Variants in HRH2 observed in about 807,000 individuals in gnomAD.
HRH2 encodes histamine H2 receptor.
A neutral mutation model predicts 20.1 loss-of-function variants in HRH2; 4 were observed. The observed-to-expected ratio is 0.20, with a 90% CI of 0.10 to 0.45. The LOEUF (loss-of-function observed/expected upper bound fraction) is 0.45, where lower values mean the gene tolerates loss of function less well. HRH2 is among the 20% of genes least tolerant of loss of function. The pLI is 0.99. For missense variants in HRH2, 250 were observed against 461.6 expected, an observed-to-expected ratio of 0.54 and a Z score of 4.20; for synonymous variants, 197 against 200.7, an observed-to-expected ratio of 0.98 and a Z score of 0.16.
chr5:175,678,398 C>T, intron 1 of HRH2, among the ~76,000 whole-genome samples: 1 of 152,208 alleles, frequency 6.6e-6, no homozygotes, highest in East Asian at 1.9e-4. Context: ...ATTTCACAGC[C>T]GTCTAGTGAA....
Position 175,685,476 on chromosome 5 carries a change from C to T in HRH2, c.1076+1167C>T. 4 of 1,551,210 alleles carry T rather than the reference C, an allele frequency of 2.6e-6. No individual in the cohort carries two copies. In the East Asian group the frequency reaches 7.3e-5, roughly 28 times the overall value. On this transcript the variant is annotated intron_variant, in intron 2 of 2. Coordinates refer to ENST00000636584, the MANE Select transcript of HRH2 (RefSeq NM_001367711.1). ...CCATTCATTCATTCATTTGTTCATTCATTCATTTGCAAACATTCATCCAAT... is the reference window on the plus strand; with the variant it reads ...CCATTCATTCATTCATTTGTTCATTTATTCATTTGCAAACATTCATCCAAT...
intron 2 of HRH2, among the ~76,000 whole-genome samples, chr5:175,691,555 T>G (rs1490023673): frequency 6.6e-6 from 1 of 152,084 alleles, no homozygotes; most frequent in African/African-American, 2.4e-5. Context: ...CACCATGACT[T>G]TGGGGCCACT....
intron 2 of HRH2, among the ~76,000 whole-genome samples, chr5:175,702,724 T>C (rs1436871353): frequency 6.9e-6 from 1 of 145,612 alleles, no homozygotes; most frequent in Non-Finnish European, 1.5e-5. Context: ...GCTAATTTTT[T>C]CTTTTTTTTT....
Position 175,686,893 on chromosome 5 carries a change from G to A in HRH2, c.1076+2584G>A, listed in dbSNP as rs1023769602. On this transcript the variant is annotated intron_variant, in intron 2 of 2. Coordinates refer to ENST00000636584, the MANE Select transcript of HRH2 (RefSeq NM_001367711.1). This position sits in a 1 kb window ranked among gnomAD's most constrained non-coding sequence, Gnocchi z 4.7. ...AACAACAGAAATAGCAGCGCCTGCC[G>A]CAGACTGTCCTCCAGGCTCCCGGCA... Among the ~76,000 whole-genome samples the A allele has an allele frequency of 1.3e-5, 2 of 152,208 alleles. No homozygotes were observed. Among genetic ancestry groups the A allele is most frequent in the Non-Finnish European group, 2.9e-5 (2 of 68,040 alleles).
intron 1 of HRH2, among the ~76,000 whole-genome samples, chr5:175,670,913 C>T (rs1226335883): frequency 6.6e-6 from 1 of 152,258 alleles, no homozygotes; most frequent in Non-Finnish European, 1.5e-5. Context: ...CATCTGAATG[C>T]AGTAGTGGGC....
intron 1 of HRH2, among the ~76,000 whole-genome samples, chr5:175,680,930 T>C (rs944475386): frequency 3.3e-5 from 5 of 151,150 alleles, no homozygotes; most frequent in African/African-American, 1.2e-4. Flanking sequence ...TGAAAAGGAC[T>C]GAGGAAGGGA....
At chr5:175,707,710 G>T (rs899927137) in intron 2 of HRH2, 69 bp from the exon 3 acceptor site, 2 of 147,988 alleles carry the variant, frequency 1.4e-5, no homozygotes, top group Non-Finnish European at 2.9e-5. Flanking sequence ...AAATTGAGAG[G>T]CTAAACCTGG....
In HRH2 at chr5:175,663,948, C is replaced by T. The variant is rs56706157; in HGVS notation, c.-526+5793C>T. On this transcript the variant is annotated intron_variant, in intron 1 of 2. Transcript: ENST00000636584. ...ACTGGCTGATTGCAAAGGGCCTTTC[C>T]AGCTCTGCCCCTATCTGATGCCGTG... is the stretch of plus-strand genomic sequence containing the variant. Among the ~76,000 whole-genome samples the T allele has an allele frequency of 0.013, 2,044 of 152,334 alleles. 152 individuals are homozygous for T. The East Asian group carries it at 0.21, about 16-fold the overall frequency.
chr5:175,678,004 G>A (rs987131800), intron 1 of HRH2, among the ~76,000 whole-genome samples: 43 of 152,318 alleles, frequency 2.8e-4, no homozygotes, highest in Non-Finnish European at 5.6e-4. Flanking sequence ...TGTTCACCCA[G>A]TTACCTTGTT....
chr5:175,674,485 T>A (rs1755689613), intron 1 of HRH2, among the ~76,000 whole-genome samples: 1 of 151,812 alleles, frequency 6.6e-6, no homozygotes, highest in African/African-American at 2.4e-5. Context: ...ACACTCATCA[T>A]CATAAAGTGT....
At chr5:175,669,994 G>A (rs1247959827) in intron 1 of HRH2, among the ~76,000 whole-genome samples, 1 of 152,202 alleles carries the variant, frequency 6.6e-6, no homozygotes, top group African/African-American at 2.4e-5. Flanking sequence ...TAACCCAGGA[G>A]CAGCCCCCTC....
At chr5:175,673,063 G>T (rs1755614557) in intron 1 of HRH2, among the ~76,000 whole-genome samples, 1 of 152,152 alleles carries the variant, frequency 6.6e-6, no homozygotes, top group African/African-American at 2.4e-5. Context: ...CTGAGCCAGT[G>T]GTAAGAGCGT....
intron 2 of HRH2, among the ~76,000 whole-genome samples, chr5:175,696,880 G>A (rs1400603823): frequency 1.3e-5 from 2 of 152,234 alleles, no homozygotes; most frequent in Non-Finnish European, 2.9e-5. Context: ...GAAAATGCTA[G>A]AGCCGGGCCG....
chr5:175,696,925 C>T (rs1282772743), intron 2 of HRH2, among the ~76,000 whole-genome samples: 1 of 152,220 alleles, frequency 6.6e-6, no homozygotes, highest in East Asian at 1.9e-4. Flanking sequence ...GGTGGCCTCC[C>T]GTGGTAGCTC....
At chr5:175,684,409 A>C in intron 2 of HRH2, 100 bp downstream of exon 2, 1 of 1,498,844 alleles carries the variant, frequency 6.7e-7, no homozygotes, top group South Asian at 1.3e-5. Flanking sequence ...GTGCTGGTTT[A>C]TGTTCTAGGA....
intron 2 of HRH2, among the ~76,000 whole-genome samples, chr5:175,699,226 A>G (rs951905077): frequency 6.6e-6 from 1 of 152,314 alleles, no homozygotes; most frequent in Non-Finnish European, 1.5e-5. Flanking sequence ...GAACACTGTG[A>G]TTGGTCTCCA....
intron 2 of HRH2, among the ~76,000 whole-genome samples, chr5:175,699,718 C>T (rs773582934): frequency 1.2e-4 from 19 of 152,234 alleles, no homozygotes; most frequent in East Asian, 1.2e-3. Context: ...GGACTACAGG[C>T]GCCCACCACC....
rs578087678 is a variant in HRH2, at chr5:175,685,408, G to C, written c.1076+1099G>C. 22 of 1,550,724 alleles carry C rather than the reference G, an allele frequency of 1.4e-5. No homozygotes were observed. In the South Asian group the frequency reaches 2.6e-4, roughly 18 times the overall value. On this transcript the variant is annotated intron_variant, in intron 2 of 2. Coordinates refer to ENST00000636584, the MANE Select transcript of HRH2 (RefSeq NM_001367711.1). ...TGTTGCTTTCCTTTCTCTTCCCACA[G>C]ACCATGGCTTTGCCTTCCAGAATGC...
At chr5:175,680,953 A>C (rs1054638271) in intron 1 of HRH2, among the ~76,000 whole-genome samples, 2 of 152,000 alleles carry the variant, frequency 1.3e-5, no homozygotes, top group Non-Finnish European at 2.9e-5. Flanking sequence ...GAGGGGCGGG[A>C]GAGGAGAGAA....
Sources: gnomAD v4.1 joint callset for allele counts (sites outside exome capture counted in the v4.1 genomes callset) on GRCh38, gnomAD v4.1.1 for gene constraint, Gnocchi (gnomAD v3.1) non-coding constraint, MANE v1.5 for transcripts, NCBI Gene and HGNC (gene_info 2026-07-23, HGNC 2026-07-21) for gene names.